Variants in CCT7 observed in about 807,000 individuals in gnomAD.
The protein encoded by CCT7 is chaperonin containing TCP1 subunit 7.
CCT7 carries 16 observed loss-of-function variants against 56.6 expected under a neutral mutation model. That is an observed-to-expected ratio of 0.28 (90% CI 0.19 to 0.43). The LOEUF is 0.43. Ranked by LOEUF, CCT7 falls within the 20% of genes least tolerant of loss-of-function variation. CCT7 has a pLI of 1.00. For synonymous variants in CCT7, 262 were observed against 254.8 expected, an observed-to-expected ratio of 1.03 and a Z score of -0.27; for missense variants, 519 against 685.6, an observed-to-expected ratio of 0.76 and a Z score of 2.71.
chr2:73,237,312 C>T (rs1014307986), intron 1 of CCT7, among the ~76,000 whole-genome samples: 2 of 152,168 alleles, frequency 1.3e-5, no homozygotes, highest in African/African-American at 2.4e-5. Flanking sequence ...TGGGGGTACA[C>T]TTTGCAGGTT....
Position 73,244,030 on chromosome 2 carries a change from G to A in CCT7, c.427G>A (p.Val143Met), listed in dbSNP as rs373239788. Reference sequence around the variant, plus strand: ...CAAGATCAAAGAGATTGCTGTGACCGTGAAGAAGGCAGATAAAGTGTAAGT... The same window carrying A: ...CAAGATCAAAGAGATTGCTGTGACCATGAAGAAGGCAGATAAAGTGTAAGT... ...VNKIKEIAVT[V>M]KKADKVEQRK... The change falls in exon 5 of 12, where the codon GTG (valine) becomes ATG (methionine). Residue 143 changes from valine to methionine, a missense_variant. Transcript: ENST00000258091. 16 of 1,612,740 alleles carry A rather than the reference G, an allele frequency of 9.9e-6. No individual in the cohort carries two copies. Among genetic ancestry groups the A allele is most frequent in the African/African-American group, 4.0e-5 (3 of 74,792 alleles).
chr2:73,243,976 T>C (rs1204917904), intron 4 of CCT7, 21 bp from the exon 5 acceptor site: 1 of 1,613,120 alleles, frequency 6.2e-7, no homozygotes, highest in East Asian at 2.2e-5. Context: ...GAGAGACTCA[T>C]TCAACTTCTG....
chr2:73,234,546 C>G (rs947044003), intron 1 of CCT7, among the ~76,000 whole-genome samples, 162 bp downstream of exon 1: 3 of 152,244 alleles, frequency 2.0e-5, no homozygotes, highest in African/African-American at 7.2e-5. Flanking sequence ...CGGCCTGGCT[C>G]GGCCCGAGCA....
At chr2:73,245,060 A>G (rs1025882726) in intron 6 of CCT7, among the ~76,000 whole-genome samples, 40 of 152,218 alleles carry the variant, frequency 2.6e-4, no homozygotes, top group African/African-American at 8.2e-4. Context: ...TTCACTGCTT[A>G]CTCCTAAGTG....
intron 8 of CCT7, 62 bp downstream of exon 8, chr2:73,249,241 C>T (rs1558569181): frequency 7.5e-7 from 1 of 1,324,646 alleles, no homozygotes; most frequent in Non-Finnish European, 1.0e-6. Context: ...TTCACTGACC[C>T]CTGGTATAAC....
At position 73,247,768 on chromosome 2, in the gene CCT7, C is replaced by G; in HGVS notation, c.625C>G (p.Gln209Glu). 6.2e-7 allele frequency: 1 copy of G among 1,613,584 alleles called. No homozygotes were observed. The change falls in exon 7 of 12, where the codon CAG (glutamine) becomes GAG (glutamate). Residue 209 changes from glutamine (Q) to glutamate (E), a missense_variant. By Grantham distance (29) the Gln-to-Glu change is conservative. Around this residue, in one of 3 missense-constraint regions of CCT7, gnomAD observed 276 missense variants for 357.3 expected, o/e 0.77. Coordinates refer to ENST00000258091, the MANE Select transcript of CCT7 (RefSeq NM_006429.4). ...KVQGGALEDS[Q>E]LVAGVAFKKT... ...GTTTGTTTTTTTAAAACAGGATTCT[C>G]AGCTGGTAGCTGGTGTTGCATTCAA...
chr2:73,251,560 T>A, intron 11 of CCT7, 128 bp downstream of exon 11: 1 of 758,074 alleles, frequency 1.3e-6, no homozygotes, highest in Non-Finnish European at 2.2e-6. Context: ...CCAGCCTGTC[T>A]GCCTGACCAA....
rs1447157476 is a variant in CCT7, at chr2:73,247,762, G to T, written c.619G>T (p.Asp207Tyr). The T allele has an allele frequency of 6.2e-7, 1 of 1,612,646 alleles. No individual in the cohort carries two copies. The highest frequency in any genetic ancestry group is 2.2e-5 in the East Asian group (1 of 44,856). Reference protein sequence around the residue: ...IKKVQGGALEDSQLVAGVAFK... With the variant: ...IKKVQGGALEYSQLVAGVAFK... The stretch of plus-strand genomic sequence containing the variant: ...TAAAGTGTTTGTTTTTTTAAAACAG[G>T]ATTCTCAGCTGGTAGCTGGTGTTGC... The change falls in exon 7 of 12, where the codon GAT becomes TAT. Residue 207 changes from aspartate (D) to tyrosine (Y), a missense_variant and splice_region_variant. Transcript: ENST00000258091.
Position 73,251,183 on chromosome 2 carries a change from AC to A in CCT7, c.1204-41del, listed in dbSNP as rs752374252. On this transcript the variant is annotated intron_variant, in intron 10 of 11. Coordinates refer to ENST00000258091, the MANE Select transcript of CCT7 (RefSeq NM_006429.4). ...TGAGTGGCCCAGCATGGAAGCTTGG[AC>A]CAGGGGCCCTCTTACATTGAGAGGT... 116 of 1,584,166 alleles carry A rather than the reference AC, an allele frequency of 7.3e-5. 1 individual carries two copies. In the Admixed American group the frequency reaches 1.9e-3, roughly 26 times the overall value.
chr2:73,239,511 T>C (rs778340295), intron 1 of CCT7, 132 bp from the exon 2 acceptor site: 5 of 767,624 alleles, frequency 6.5e-6, no homozygotes, highest in African/African-American at 3.5e-5. Context: ...TGGTAGACAG[T>C]TGGGGGAATG....
chr2:73,235,736 A>G (rs1303903167), intron 1 of CCT7: 1 of 183,652 alleles, frequency 5.4e-6, no homozygotes, highest in Non-Finnish European at 1.2e-5. Context: ...TGCCTAGCAG[A>G]TAGTAAGCAC....
chr2:73,249,128 C>T lies in CCT7; in HGVS notation c.921C>T (p.Asp307=). 6.2e-7 allele frequency: 1 copy of T among 1,614,126 alleles called. No homozygotes were observed. Among genetic ancestry groups the T allele is most frequent in the East Asian group, 2.2e-5 (1 of 44,874 alleles). The change falls in exon 8 of 12, where the codon GAC becomes GAT. Residue 307 remains aspartate (D), a synonymous_variant. Transcript: ENST00000258091. ...DVATQYFADR[D]MFCAGRVPEE... ...CCACCCAGTACTTTGCTGACAGGGA[C>T]ATGTTCTGTGCTGGCCGAGTACCTG...
chr2:73,244,178 G>T (rs1326298146), intron 5 of CCT7, 129 bp downstream of exon 5: 1 of 928,636 alleles, frequency 1.1e-6, no homozygotes, highest in African/African-American at 1.7e-5. Flanking sequence ...GGGATTACAG[G>T]TGTGAGTCAC....
At chr2:73,243,737 C>G (rs1687213798) in intron 4 of CCT7, 1 of 459,072 alleles carries the variant, frequency 2.2e-6, no homozygotes. Flanking sequence ...GTGTTACCTG[C>G]AGACCCAGAG....
intron 3 of CCT7, among the ~76,000 whole-genome samples, chr2:73,242,080 C>G (rs564341351): frequency 6.6e-6 from 1 of 151,486 alleles, no homozygotes; most frequent in Non-Finnish European, 1.5e-5. Context: ...TTGGCTGGTC[C>G]TAGGACGTTT....
chr2:73,243,200 T>C, intron 4 of CCT7, 71 bp downstream of exon 4: 1 of 1,563,252 alleles, frequency 6.4e-7, no homozygotes, highest in Non-Finnish European at 8.8e-7. Context: ...GGGGAATTTC[T>C]TTTCAGGAGT....
rs765280135 is a variant in CCT7 at position 73,239,707 on chromosome 2, G to A, written c.71G>A (p.Ser24Asn). ...DSSQGIPQLV[S>N]NISACQVIAE... is the part of the protein sequence containing the mutation. Reference sequence around the variant, plus strand: ...TCCCAAGGCATCCCCCAGCTTGTGAGTAACATCAGTGCCTGCCAGGTGATT... The same window carrying A: ...TCCCAAGGCATCCCCCAGCTTGTGAATAACATCAGTGCCTGCCAGGTGATT... Residue 24 changes from serine (S) to asparagine (N), a missense_variant, in exon 2 of 12, where the codon AGT (serine) becomes AAT (asparagine). Physicochemically the swap from Ser to Asn is conservative, Grantham distance 46. This residue lies in a region of CCT7 where 276 missense variants were observed against 357.3 expected (regional missense o/e 0.77). Coordinates refer to ENST00000258091, the MANE Select transcript of CCT7 (RefSeq NM_006429.4). The A allele has an allele frequency of 1.2e-6, 2 of 1,613,988 alleles. No individual in the cohort carries two copies. Among genetic ancestry groups the A allele is most frequent in the Non-Finnish European group, 1.7e-6 (2 of 1,179,854 alleles).
rs1186623790 is a variant in CCT7, at chr2:73,243,103, C to T, written c.367C>T (p.Arg123Ter). 2 of 1,613,992 alleles carry T rather than the reference C, an allele frequency of 1.2e-6. No homozygotes were observed. Among genetic ancestry groups the T allele is most frequent in the Admixed American group, 1.7e-5 (1 of 60,026 alleles). Reference sequence around the variant, plus strand: ...AGGTTTACACCCCCAGATCATCATTCGAGCTTTCCGCACAGCCACCCAGCT... The same window carrying T: ...AGGTTTACACCCCCAGATCATCATTTGAGCTTTCCGCACAGCCACCCAGCT... ...EEGLHPQIII[R>*]AFRTATQLAV... The change falls in exon 4 of 12, where the codon CGA becomes TGA. Residue 123 changes from arginine to a stop codon, truncating the protein, a stop_gained. Coordinates refer to ENST00000258091, the MANE Select transcript of CCT7 (RefSeq NM_006429.4). LOFTEE classifies it high-confidence loss of function.
At chr2:73,237,385 T>G (rs1405108524) in intron 1 of CCT7, among the ~76,000 whole-genome samples, 2 of 152,174 alleles carry the variant, frequency 1.3e-5, no homozygotes, top group Non-Finnish European at 2.9e-5. Flanking sequence ...AAGAACCTGT[T>G]GAAGGTGATA....
Sources: allele counts gnomAD v4.1 joint callset (sites outside exome capture counted in the v4.1 genomes callset), GRCh38; gene constraint gnomAD v4.1.1; regional missense constraint gnomAD v4.1.1; transcripts MANE v1.5; gene names NCBI Gene and HGNC (gene_info 2026-07-23, HGNC 2026-07-21).